The following PSG6 variants were observed in gnomAD, a reference collection of about 807,000 sequenced individuals.
PSG6 encodes the protein pregnancy specific beta-1-glycoprotein 6.
A neutral mutation model predicts 43.3 loss-of-function variants in PSG6; 51 were observed. The ratio of observed to expected loss-of-function variants is 1.18; its 90% CI spans 0.94 to 1.49. PSG6 has a LOEUF of 1.49. PSG6 is among the 40% of genes most tolerant of loss of function. The pLI is 0.00. For synonymous variants in PSG6, 292 were observed against 197.6 expected, an observed-to-expected ratio of 1.48 and a Z score of -4.01; for missense variants, 770 against 522.2, an observed-to-expected ratio of 1.47 and a Z score of -4.62.
rs185089491 is a variant in PSG6, at chr19:42,904,415, C to T, written c.1241-1969G>A. On this transcript the variant is annotated intron_variant, in intron 5 of 5. Transcript: ENST00000187910. The stretch of plus-strand genomic sequence containing the variant: ...AGAAAATCCTAAAGATGGAACAAAC[C>T]TATTAGAATTAATAAATTCAGTAAT... Among the ~76,000 whole-genome samples the T allele has an allele frequency of 1.6e-4, 24 of 151,622 alleles. 1 individual carries two copies. Among genetic ancestry groups the T allele is most frequent in the African/African-American group, 5.6e-4 (23 of 41,336 alleles).
intron 2 of PSG6, among the ~76,000 whole-genome samples, chr19:42,911,785 ACTTTCT>A (rs1972231367): frequency 6.6e-6 from 1 of 151,718 alleles, no homozygotes; most frequent in African/African-American, 2.4e-5. Context: ...TCTTGCAGAT[ACTTTCT>A]CTTATTAGAC....
At chr19:42,914,068 A>G (rs1972277783) in intron 2 of PSG6, among the ~76,000 whole-genome samples, 1 of 151,654 alleles carries the variant, frequency 6.6e-6, no homozygotes, top group Admixed American at 6.6e-5. Flanking sequence ...GCAGGAGGCC[A>G]GAGGAACTTG....
At chr19:42,913,573 A>G (rs1406082048) in intron 2 of PSG6, among the ~76,000 whole-genome samples, 2 of 151,732 alleles carry the variant, frequency 1.3e-5, no homozygotes, top group Non-Finnish European at 2.9e-5. Flanking sequence ...CTAGAAAGTG[A>G]CCGGAGAATG....
At chr19:42,906,199 G>C (rs553655533) in intron 5 of PSG6, among the ~76,000 whole-genome samples, 2 of 151,614 alleles carry the variant, frequency 1.3e-5, no homozygotes, top group African/African-American at 4.8e-5. Context: ...TGTGTCCCAC[G>C]TGCTGTGCCC....
At position 42,907,143 on chromosome 19, in the gene PSG6, A is replaced by G; in HGVS notation, c.1019T>C (p.Phe340Ser). The G allele has an allele frequency of 1.9e-6, 3 of 1,612,676 alleles. No homozygotes were observed. The highest frequency in any genetic ancestry group is 1.7e-6 in the Non-Finnish European group (2 of 1,179,262). ...GTTTTCTCCTGAACGGTAATAGGTG[A>G]ATGAAGGGTAAATTCTGGGGAGGTC... Reference protein sequence around the residue: ...GPDLPRIYPSFTYYRSGENLD... With the variant: ...GPDLPRIYPSSTYYRSGENLD... The change falls in exon 5 of 6, where the codon TTC (phenylalanine) becomes TCC (serine). Residue 340 changes from phenylalanine (F) to serine (S), a missense_variant. By Grantham distance (155) the Phe-to-Ser change is radical. Transcript: ENST00000187910.
chr19:42,905,664 A>G (rs939574693), intron 5 of PSG6, among the ~76,000 whole-genome samples: 1 of 151,718 alleles, frequency 6.6e-6, no homozygotes, highest in Non-Finnish European at 1.5e-5. Context: ...AAATGGAAAC[A>G]ACTGAAAAGT....
intron 2 of PSG6, 64 bp downstream of exon 2, chr19:42,916,061 T>C: frequency 6.2e-7 from 1 of 1,600,192 alleles, no homozygotes; most frequent in Non-Finnish European, 8.5e-7. Flanking sequence ...CTGACAATTC[T>C]GTGTGTGTGA....
At chr19:42,905,800 A>C (rs1278021185) in intron 5 of PSG6, among the ~76,000 whole-genome samples, 1 of 151,728 alleles carries the variant, frequency 6.6e-6, no homozygotes, top group Non-Finnish European at 1.5e-5. Context: ...TATTATGCCA[A>C]CTGAAATAAG....
chr19:42,916,666 C>T (rs1360027999), intron 1 of PSG6, among the ~76,000 whole-genome samples, 179 bp from the exon 2 acceptor site: 1 of 149,422 alleles, frequency 6.7e-6, no homozygotes. Context: ...GTGTGTGTGT[C>T]CTACTGTCCT....
intron 4 of PSG6, 54 bp downstream of exon 4, chr19:42,907,522 G>C: frequency 1.2e-6 from 2 of 1,604,424 alleles, no homozygotes; most frequent in Non-Finnish European, 1.7e-6. Context: ...CTGGCCTCTG[G>C]TCGTTTGGAG....
intron 4 of PSG6, among the ~76,000 whole-genome samples, 183 bp downstream of exon 4, chr19:42,907,393 C>T (rs528968866): frequency 6.6e-6 from 1 of 151,996 alleles, no homozygotes; most frequent in Admixed American, 6.6e-5. Context: ...GCGCCCCTCC[C>T]CTTATATTCT....
At chr19:42,917,626 G>T in intron 1 of PSG6, 103 bp downstream of exon 1, 1 of 1,520,724 alleles carries the variant, frequency 6.6e-7, no homozygotes, top group Non-Finnish European at 9.0e-7. Flanking sequence ...GCCTCCCTAA[G>T]TGCTGGCTTC....
intron 5 of PSG6, among the ~76,000 whole-genome samples, chr19:42,904,831 C>A (rs62110888): frequency 6.6e-6 from 1 of 151,600 alleles, no homozygotes; most frequent in Non-Finnish European, 1.5e-5. Context: ...AATAGACACA[C>A]AGCTTTGAAG....
intron 3 of PSG6, chr19:42,910,368 G>A (rs749484544): frequency 2.4e-6 from 3 of 1,261,974 alleles, no homozygotes; most frequent in Non-Finnish European, 1.1e-6. Context: ...TGTGGAACCT[G>A]AGTCTCCCAT....
chr19:42,916,871 C>G (rs554447481), intron 1 of PSG6, among the ~76,000 whole-genome samples: 1 of 151,544 alleles, frequency 6.6e-6, no homozygotes, highest in Non-Finnish European at 1.5e-5. Context: ...CCTTTCTGAC[C>G]TTTCCCTGCT....
chr19:42,908,125 C>G (rs1439715107), intron 3 of PSG6, among the ~76,000 whole-genome samples: 3 of 151,718 alleles, frequency 2.0e-5, no homozygotes, highest in Admixed American at 6.6e-5. Context: ...GAGTCACAGC[C>G]CCTGGTACCC....
At position 42,913,512 on chromosome 19, in the gene PSG6, C is replaced by T. The variant is rs148470503; in HGVS notation, c.427+2613G>A. 5.9e-5 allele frequency among the ~76,000 whole-genome samples: 9 copies of T among 151,604 alleles called. 1 individual carries two copies. Among genetic ancestry groups the T allele is most frequent in the African/African-American group, 1.5e-4 (6 of 41,332 alleles). ...TCAGCTTTTTACTTAGTGTTAGAACCGAGTGACAAATTTCAAGCTTGTTTT... is the reference window on the plus strand; with the variant it reads ...TCAGCTTTTTACTTAGTGTTAGAACTGAGTGACAAATTTCAAGCTTGTTTT... On this transcript the variant is annotated intron_variant, in intron 2 of 5. Transcript: ENST00000187910.
In PSG6 at chr19:42,907,685, C is replaced by A; in HGVS notation, c.876G>T (p.Arg292Ser). The A allele has an allele frequency of 6.2e-7, 1 of 1,610,930 alleles. No homozygotes were observed. The highest frequency in any genetic ancestry group is 1.1e-5 in the South Asian group (1 of 90,758). Reference sequence around the variant, plus strand: ...TCGTGACACTGGGTAGAATGAGTATCCTGTTTTCAATGGGTCGCTTTACCC... The same window carrying A: ...TCGTGACACTGGGTAGAATGAGTATACTGTTTTCAATGGGTCGCTTTACCC... ...SPRVKRPIEN[R>S]ILILPSVTRN... Residue 292 changes from arginine (R) to serine (S), a missense_variant, in exon 4 of 6, where the codon AGG becomes AGT. Transcript: ENST00000187910.
At chr19:42,912,994 A>G (rs1972256989) in intron 2 of PSG6, among the ~76,000 whole-genome samples, 1 of 151,656 alleles carries the variant, frequency 6.6e-6, no homozygotes, top group East Asian at 1.9e-4. Flanking sequence ...ACAAAATATT[A>G]AATATGAAGT....
Sources: allele counts gnomAD v4.1 joint callset (sites outside exome capture counted in the v4.1 genomes callset), GRCh38; gene constraint gnomAD v4.1.1; transcripts MANE v1.5; gene names NCBI Gene and HGNC (gene_info 2026-07-23, HGNC 2026-07-21).